The following LRCH3 variants were observed in gnomAD, a reference collection of about 807,000 sequenced individuals.
The protein encoded by LRCH3 is leucine rich repeats and calponin homology domain containing 3.
LRCH3 carries 68 observed loss-of-function variants against 104.5 expected under a neutral mutation model. That is an observed-to-expected ratio of 0.65 (90% CI 0.54 to 0.80). LRCH3 has a LOEUF of 0.80. Ranked by LOEUF, LRCH3 falls within the 30% of genes least tolerant of loss-of-function variation. The pLI is 0.00. For synonymous variants in LRCH3, 344 were observed against 361.3 expected, an observed-to-expected ratio of 0.95 and a Z score of 0.54; for missense variants, 951 against 953.9, an observed-to-expected ratio of 1.00 and a Z score of 0.04.
rs781718992 is a variant in LRCH3, at chr3:197,848,036, T to C, written c.1530+15T>C. On this transcript the variant is annotated intron_variant, in intron 12 of 20. Coordinates refer to ENST00000425562, the MANE Select transcript of LRCH3 (RefSeq NM_001365715.1). ...ACTTTGTCAAAGTGAGTCGTTTGAATGATGCTGTTCAAGCTGCTGACTGGC... is the reference window on the plus strand; with the variant it reads ...ACTTTGTCAAAGTGAGTCGTTTGAACGATGCTGTTCAAGCTGCTGACTGGC... 5.6e-6 allele frequency: 9 copies of C among 1,613,578 alleles called. No individual in the cohort carries two copies. The highest frequency in any genetic ancestry group is 7.6e-6 in the Non-Finnish European group (9 of 1,179,644).
At chr3:197,798,968 C>T (rs945740092) in intron 1 of LRCH3, among the ~76,000 whole-genome samples, 1 of 151,184 alleles carries the variant, frequency 6.6e-6, no homozygotes, top group African/African-American at 2.5e-5. Flanking sequence ...GATAATAGAA[C>T]TCTCTCATCA....
At chr3:197,873,671 G>A (rs1306923814) in intron 19 of LRCH3, among the ~76,000 whole-genome samples, 1 of 152,136 alleles carries the variant, frequency 6.6e-6, no homozygotes, top group East Asian at 1.9e-4. Context: ...GCTGCAGTGA[G>A]CCACGATCAT....
intron 19 of LRCH3, among the ~76,000 whole-genome samples, chr3:197,874,923 G>GT (rs1461218055): frequency 6.8e-6 from 1 of 147,890 alleles, no homozygotes; most frequent in Non-Finnish European, 1.5e-5. Context: ...GGTTGCAACA[G>GT]TTCTTTTTTT....
chr3:197,847,808 A>G, intron 11 of LRCH3, 64 bp from the exon 12 acceptor site: 1 of 1,551,138 alleles, frequency 6.4e-7, no homozygotes, highest in Non-Finnish European at 8.8e-7. Flanking sequence ...CTAAATTGAT[A>G]GGGAATATTG....
chr3:197,832,340 C>G, intron 8 of LRCH3, 23 bp downstream of exon 8: 1 of 1,608,662 alleles, frequency 6.2e-7, no homozygotes, highest in East Asian at 2.2e-5. Flanking sequence ...CCGGTGACAG[C>G]TAAAGTGTTT....
At chr3:197,803,471 G>T (rs1022600912) in intron 1 of LRCH3, among the ~76,000 whole-genome samples, 52 of 152,256 alleles carry the variant, frequency 3.4e-4, no homozygotes, top group African/African-American at 1.2e-3. Flanking sequence ...CTAGGTGCAG[G>T]TAGTTAAGAA....
chr3:197,827,277 A>G (rs111804723), intron 5 of LRCH3, among the ~76,000 whole-genome samples: 2,897 of 149,590 alleles, frequency 0.019, 67 homozygotes, highest in East Asian at 0.039. Flanking sequence ...GGTAAACCAT[A>G]GTGGAAGCAT....
chr3:197,831,145 A>G, intron 7 of LRCH3: 1 of 298,876 alleles, frequency 3.3e-6, no homozygotes, highest in Non-Finnish European at 6.4e-6. Flanking sequence ...TGAAGCCTAC[A>G]ATCTGAGGTG....
In LRCH3 at chr3:197,887,640, G is replaced by A. The variant is rs1337644237; in HGVS notation, c.*3974G>A. ...CCCATCACTGACAGTGTCTGGGGCT[G>A]AGAGCCCCCCCTAGCAGAGCCCTTC... On this transcript the variant is annotated 3_prime_UTR_variant, in exon 21 of 21. Transcript: ENST00000425562. The A allele has an allele frequency of 6.9e-6, 1 of 145,350 alleles. No individual in the cohort carries two copies. Among genetic ancestry groups the A allele is most frequent in the Non-Finnish European group, 1.5e-5 (1 of 67,034 alleles). 9.0% of individuals were successfully genotyped at this position (145,350 alleles called of 1,614,324 possible).
intron 19 of LRCH3, among the ~76,000 whole-genome samples, chr3:197,873,975 A>T (rs1712553637): frequency 6.7e-6 from 1 of 149,982 alleles, no homozygotes; most frequent in African/African-American, 2.5e-5. Flanking sequence ...GAGCCAAGAT[A>T]GCACCACCAC....
Position 197,884,751 on chromosome 3 carries a change from AAAT to A in LRCH3, c.*1090_*1092del, listed in dbSNP as rs2109590842. On this transcript the variant is annotated 3_prime_UTR_variant, in exon 21 of 21. Transcript: ENST00000425562. The stretch of plus-strand genomic sequence containing the variant: ...GACTGTTCTGTCAAAGGCAAAACAA[AAAT>A]AATATAGAAGGCCTAGGTTTTGCAT... 6.6e-6 allele frequency: 1 copy of A among 152,286 alleles called. No homozygotes were observed. Among genetic ancestry groups the A allele is most frequent in the African/African-American group, 2.4e-5 (1 of 41,558 alleles). The allele number at this position is 152,286 out of a possible 1,614,324, so 9.4% of individuals were successfully genotyped here. A position where few individuals can be genotyped will look rare whatever the true frequency, so the allele number is the denominator to read the frequency against.
intron 9 of LRCH3, among the ~76,000 whole-genome samples, chr3:197,838,673 A>G (rs1280904179): frequency 6.6e-6 from 1 of 152,192 alleles, no homozygotes; most frequent in South Asian, 2.1e-4. Flanking sequence ...ATTTTAAACC[A>G]GTTTAATTTT....
intron 1 of LRCH3, among the ~76,000 whole-genome samples, chr3:197,795,346 A>T (rs1206637303): frequency 1.3e-5 from 2 of 152,192 alleles, no homozygotes; most frequent in East Asian, 3.9e-4. Flanking sequence ...CCAGTGACTC[A>T]GGCCTAGCTA....
chr3:197,843,785 T>C (rs1465827752), intron 10 of LRCH3, among the ~76,000 whole-genome samples: 1 of 152,220 alleles, frequency 6.6e-6, no homozygotes, highest in East Asian at 1.9e-4. Context: ...TGCATTTTTG[T>C]TTTTTTATGT....
At chr3:197,881,960 G>C (rs1713811009) in intron 20 of LRCH3, 4 of 985,310 alleles carry the variant, frequency 4.1e-6, no homozygotes, top group Non-Finnish European at 4.8e-6. Flanking sequence ...ACTCAACACT[G>C]TGATGATGAA....
At chr3:197,816,310 T>C (rs1289330237) in intron 2 of LRCH3, among the ~76,000 whole-genome samples, 3 of 152,166 alleles carry the variant, frequency 2.0e-5, no homozygotes, top group Non-Finnish European at 4.4e-5. Flanking sequence ...GACAGGGTTT[T>C]ACTCTCGTTG....
intron 15 of LRCH3, chr3:197,859,295 A>G (rs1371920073): frequency 9.9e-6 from 2 of 202,300 alleles, no homozygotes; most frequent in Non-Finnish European, 1.0e-5. Context: ...GTAGGGGTCA[A>G]CCAACTATGG....
chr3:197,880,857 T>C (rs1272711224), intron 20 of LRCH3: 2 of 1,450,250 alleles, frequency 1.4e-6, no homozygotes, highest in African/African-American at 1.4e-5. Flanking sequence ...AAATCCTTTC[T>C]TTATATTTGC....
In LRCH3 at chr3:197,871,403, T is replaced by C; in HGVS notation, c.2071T>C (p.Leu691=). 1.2e-6 allele frequency: 2 copies of C among 1,614,202 alleles called. No homozygotes were observed. Among genetic ancestry groups the C allele is most frequent in the Non-Finnish European group, 1.7e-6 (2 of 1,180,030 alleles). The change falls in exon 19 of 21, where the codon TTG becomes CTG. Residue 691 remains leucine (L), a synonymous_variant. Transcript: ENST00000425562. ...AACTGACGGTGTTGTTCTTTGCCAT[T>C]TGGCCAATCATGTGCGACCTCGATC... ...ALTDGVVLCH[L]ANHVRPRSVP...
Sources: allele counts gnomAD v4.1 joint callset (sites outside exome capture counted in the v4.1 genomes callset), GRCh38; gene constraint gnomAD v4.1.1; transcripts MANE v1.5; gene names NCBI Gene and HGNC (gene_info 2026-07-23, HGNC 2026-07-21).